PHF21A: variants seen among roughly 807,000 people sequenced by gnomAD.
The protein encoded by PHF21A is BHC80a.
Under a neutral mutation model 82.5 loss-of-function variants are expected in PHF21A, and 11 were observed. The observed-to-expected ratio is 0.13, with a 90% CI of 0.08 to 0.22. PHF21A has a LOEUF of 0.22. PHF21A is among the 10% of genes least tolerant of loss of function. PHF21A has a pLI of 1.00. For missense variants in PHF21A, 579 were observed against 837.8 expected (o/e 0.69, Z 3.81); for synonymous variants, 297 against 302.8 (o/e 0.98, Z 0.20).
intron 6 of PHF21A, among the ~76,000 whole-genome samples, chr11:45,997,228 A>G (rs1049600149): frequency 3.3e-5 from 5 of 152,090 alleles, no homozygotes; most frequent in Non-Finnish European, 7.4e-5. Context: ...ATTTTTTTCC[A>G]TGAATGTTTT....
intron 10 of PHF21A, among the ~76,000 whole-genome samples, chr11:45,956,450 C>G (rs2092645952): frequency 6.6e-6 from 1 of 152,020 alleles, no homozygotes; most frequent in Non-Finnish European, 1.5e-5. Flanking sequence ...CCTTCATTGT[C>G]ACTGGCAAAG....
At chr11:45,968,274 T>G (rs1373233903) in intron 9 of PHF21A, among the ~76,000 whole-genome samples, 1 of 152,204 alleles carries the variant, frequency 6.6e-6, no homozygotes, top group Admixed American at 6.5e-5. Context: ...CCACATCAAG[T>G]GCTTGCTTGA....
intron 9 of PHF21A, among the ~76,000 whole-genome samples, chr11:45,967,565 T>C (rs1053150818): frequency 5.3e-5 from 8 of 152,200 alleles, no homozygotes; most frequent in Non-Finnish European, 1.2e-4. Context: ...CCAAGGTGGC[T>C]TTCCCACTGT....
intron 6 of PHF21A, among the ~76,000 whole-genome samples, chr11:46,043,215 G>A (rs1230056487): frequency 6.6e-6 from 1 of 152,064 alleles, no homozygotes; most frequent in African/African-American, 2.4e-5. Flanking sequence ...TAAATGATGT[G>A]GGAATAAGAC....
intron 6 of PHF21A, among the ~76,000 whole-genome samples, chr11:45,984,778 C>T (rs1172427468): frequency 6.6e-6 from 1 of 152,198 alleles, no homozygotes; most frequent in African/African-American, 2.4e-5. Flanking sequence ...GATGTCAGTG[C>T]TGCAAGTCTC....
intron 6 of PHF21A, among the ~76,000 whole-genome samples, chr11:46,067,778 G>A (rs1433264554): frequency 1.3e-5 from 2 of 152,264 alleles, no homozygotes; most frequent in Middle Eastern, 6.8e-3. Context: ...ATGTGAGCAA[G>A]ACACAGTCCT....
chr11:45,934,398 G>C, intron 18 of PHF21A, 173 bp from the exon 19 acceptor site: 11 of 585,304 alleles, frequency 1.9e-5, no homozygotes, highest in East Asian at 3.1e-5. Flanking sequence ...ACCACCTAAG[G>C]AACAGGGCGG....
rs373758304 is a variant in PHF21A, at chr11:46,011,382, A to C, written c.154-31416T>G. Among the ~76,000 whole-genome samples, 33 of 152,174 alleles carry C rather than the reference A, an allele frequency of 2.2e-4. No homozygotes were observed. In the South Asian group the frequency reaches 6.6e-3, roughly 31 times the overall value. On this transcript the variant is annotated intron_variant, in intron 6 of 18. Transcript: ENST00000676320. Reference sequence around the variant, plus strand: ...TGCATGCCTGTAATCCCAGGTACTTAGGAGGCTGAGGCAGGAGAATCGCCT... The same window carrying C: ...TGCATGCCTGTAATCCCAGGTACTTCGGAGGCTGAGGCAGGAGAATCGCCT...
chr11:45,938,065 A>G lies in PHF21A; in HGVS notation c.1608+92T>C, dbSNP rs2089506750. 3 of 1,115,842 alleles carry G rather than the reference A, an allele frequency of 2.7e-6. No individual in the cohort carries two copies. In the East Asian group the frequency reaches 7.4e-5, roughly 28 times the overall value. The allele number at this position is 1,115,842 out of a possible 1,614,324, so 69.1% of individuals were successfully genotyped here. ...GCCCGGAGACGGACTGGGAGAGAGA[A>G]GAGACTGCCATTTCCCCGGGAAAGG... On this transcript the variant is annotated intron_variant, in intron 16 of 18. Transcript: ENST00000676320.
intron 6 of PHF21A, among the ~76,000 whole-genome samples, chr11:46,007,925 A>G (rs1239490583): frequency 6.6e-6 from 1 of 152,140 alleles, no homozygotes; most frequent in Non-Finnish European, 1.5e-5. Flanking sequence ...CCGTGTTGTT[A>G]TGTTATTTTC....
At position 45,934,316 on chromosome 11, in the gene PHF21A, A is replaced by C. The variant is rs888389596; in HGVS notation, c.1789-91T>G. The C allele has an allele frequency of 6.1e-5, 79 of 1,285,150 alleles. No individual in the cohort carries two copies. The African/African-American group carries it at 8.4e-4, about 14-fold the overall frequency. 79.6% of individuals were successfully genotyped at this position (1,285,150 alleles called of 1,614,324 possible). On this transcript the variant is annotated intron_variant, in intron 18 of 18. Coordinates refer to ENST00000676320, the MANE Select transcript of PHF21A (RefSeq NM_001352027.3). ...AGAGCAGAGCGCCTTCTCTCTGCCC[A>C]GGGAGAAGAAGCTCTGCTGGCTGCT...
chr11:46,076,227 A>G (rs1019344297), intron 6 of PHF21A, among the ~76,000 whole-genome samples: 3 of 152,228 alleles, frequency 2.0e-5, no homozygotes, highest in Non-Finnish European at 4.4e-5. Flanking sequence ...CCTATATAGA[A>G]TAAGTCTAAT....
At chr11:45,941,866 T>A (rs749327931) in intron 15 of PHF21A, among the ~76,000 whole-genome samples, 6 of 152,260 alleles carry the variant, frequency 3.9e-5, no homozygotes, top group Non-Finnish European at 5.9e-5. Flanking sequence ...ACAATTTTTA[T>A]AATTATGTTA....
chr11:45,937,689 C>G (rs1182795339), intron 16 of PHF21A, among the ~76,000 whole-genome samples: 4 of 152,172 alleles, frequency 2.6e-5, no homozygotes, highest in Non-Finnish European at 5.9e-5. Context: ...CCATGTTGGC[C>G]AGGCTGGTCT....
intron 6 of PHF21A, among the ~76,000 whole-genome samples, chr11:45,986,643 C>A (rs2094499632): frequency 6.6e-6 from 1 of 152,114 alleles, no homozygotes; most frequent in Admixed American, 6.6e-5. Context: ...CTAAACTATA[C>A]CGCCCTCCTT....
Position 45,929,639 on chromosome 11 carries a change from G to C in PHF21A, c.*4329C>G, listed in dbSNP as rs918113558. On this transcript the variant is annotated 3_prime_UTR_variant, in exon 19 of 19. Transcript: ENST00000676320. ...ACCGGAGAGAGGTGAGGGTCCAAAG[G>C]CTGCTGGGGAAGGGGTAGGGGGGTG... The C allele has an allele frequency of 2.0e-5, 3 of 152,410 alleles. No homozygotes were observed. Among genetic ancestry groups the C allele is most frequent in the African/African-American group, 7.2e-5 (3 of 41,418 alleles). 9.4% of individuals were successfully genotyped at this position (152,410 alleles called of 1,614,324 possible). A position where few individuals can be genotyped will look rare whatever the true frequency, so the allele number is the denominator to read the frequency against.
intron 6 of PHF21A, among the ~76,000 whole-genome samples, chr11:45,993,304 A>C (rs2094781767): frequency 6.6e-6 from 1 of 152,182 alleles, no homozygotes; most frequent in South Asian, 2.1e-4. Flanking sequence ...TGTATAAGTA[A>C]TCACATATTT....
intron 6 of PHF21A, among the ~76,000 whole-genome samples, chr11:46,020,488 T>C (rs1317033062): frequency 6.6e-6 from 1 of 152,228 alleles, no homozygotes. Flanking sequence ...GGATTACTGC[T>C]GTATCTTTTA....
intron 6 of PHF21A, among the ~76,000 whole-genome samples, chr11:46,045,489 T>G (rs184732938): frequency 1.3e-5 from 2 of 152,242 alleles, no homozygotes; most frequent in East Asian, 3.9e-4. Context: ...ATTACTCCAG[T>G]CTAATTACTT....
Sources: gnomAD v4.1 joint callset for allele counts (sites outside exome capture counted in the v4.1 genomes callset) on GRCh38, gnomAD v4.1.1 for gene constraint, MANE v1.5 for transcripts, NCBI Gene and HGNC (gene_info 2026-07-23, HGNC 2026-07-21) for gene names.